PHF21B: variants seen among roughly 807,000 people sequenced by gnomAD.
PHF21B encodes PHD finger protein 21B, also known as PHD finger protein 4.
PHF21B carries 22 observed loss-of-function variants against 62.2 expected under a neutral mutation model. The observed-to-expected ratio is 0.35, with a 90% confidence interval of 0.25 to 0.51. The LOEUF (loss-of-function observed/expected upper bound fraction) is 0.51. Among genes scored for constraint, PHF21B ranks in the 20% least tolerant of loss-of-function variants. The pLI, the probability that PHF21B is intolerant of heterozygous loss-of-function variation, is 0.97. For missense variants in PHF21B, 701 were observed against 707.9 expected, an observed-to-expected ratio of 0.99 and a Z score of 0.11; for synonymous variants, 341 against 314.7, an observed-to-expected ratio of 1.08 and a Z score of -0.88.
chr22:44,902,402 G>A, intron 5 of PHF21B: 1 of 268,540 alleles, frequency 3.7e-6, no homozygotes, highest in South Asian at 5.0e-5. Context: ...GATGAGTGGA[G>A]TTTATCCCTC....
Position 44,904,655 on chromosome 22 carries a change from C to T in PHF21B, c.832-8572G>A, listed in dbSNP as rs1407863858. Among the ~76,000 whole-genome samples, 2 of 134,312 alleles carry T rather than the reference C, an allele frequency of 1.5e-5. 1 individual carries two copies. Among genetic ancestry groups the T allele is most frequent in the African/African-American group, 5.6e-5 (2 of 35,658 alleles). The allele number at this position is 134,312 out of a possible 152,430, so 88.1% of individuals were successfully genotyped here. A position where few individuals can be genotyped will look rare whatever the true frequency, so the allele number is the denominator to read the frequency against. On this transcript the variant is annotated intron_variant, in intron 5 of 12. Coordinates refer to ENST00000313237, the MANE Select transcript of PHF21B (RefSeq NM_138415.5). ...ACTGGGCAAGAAGTGTTAGTGTCGT[C>T]AGAGGCAGCAGAGGTCAGGGCTGGG... is the stretch of plus-strand genomic sequence containing the variant.
chr22:45,002,602 A>T (rs1233146506), intron 2 of PHF21B, among the ~76,000 whole-genome samples: 1 of 152,182 alleles, frequency 6.6e-6, no homozygotes, highest in Non-Finnish European at 1.5e-5. Flanking sequence ...ACAAACACCT[A>T]AGTATCTCAT....
Position 44,883,224 on chromosome 22 carries a change from C to T in PHF21B, c.1458G>A (p.Leu486=), listed in dbSNP as rs750207856. 6.2e-6 allele frequency: 10 copies of T among 1,613,944 alleles called. No individual in the cohort carries two copies. The Admixed American group carries it at 6.7e-5, about 11-fold the overall frequency. The change falls in exon 13 of 13, where the codon CTG becomes CTA. Residue 486 remains leucine, a synonymous_variant. Transcript: ENST00000313237. ...GCAGCTGCTCGCCCTGTATCAGTCT[C>T]AGGAGGGCCCGCAGGCGGTCCAGGG... ...QSSLDRLRAL[L]RLIQGEQLLQ... is the part of the protein sequence containing the mutation.
At chr22:44,906,684 G>C (rs1252810957) in intron 5 of PHF21B, among the ~76,000 whole-genome samples, 2 of 152,236 alleles carry the variant, frequency 1.3e-5, no homozygotes, top group Non-Finnish European at 2.9e-5. Context: ...TCTGAAGTTA[G>C]CATGCAGCTC....
chr22:44,899,130 A>C (rs1269910945), intron 5 of PHF21B, among the ~76,000 whole-genome samples: 2 of 152,040 alleles, frequency 1.3e-5, no homozygotes, highest in Non-Finnish European at 2.9e-5. Flanking sequence ...TTTCATGTGA[A>C]ATTTAGAAAC....
At chr22:44,914,206 G>A in intron 4 of PHF21B, 118 bp from the exon 5 acceptor site, 1 of 571,314 alleles carries the variant, frequency 1.8e-6, no homozygotes, top group Non-Finnish European at 3.1e-6. Flanking sequence ...AGGCCAACCT[G>A]GGAGGGCGGA....
At chr22:44,925,848 G>T (rs1014951735) in intron 2 of PHF21B, among the ~76,000 whole-genome samples, 1 of 152,194 alleles carries the variant, frequency 6.6e-6, no homozygotes, top group Non-Finnish European at 1.5e-5. Context: ...GTGTGTGGAA[G>T]GCTCTGATCT....
chr22:44,974,940 A>G (rs2072709655), intron 2 of PHF21B, among the ~76,000 whole-genome samples: 1 of 152,252 alleles, frequency 6.6e-6, no homozygotes, highest in Non-Finnish European at 1.5e-5. Context: ...ATGTGAATTA[A>G]CACATGGGTG....
chr22:44,925,589 C>G (rs1601605358), intron 2 of PHF21B, among the ~76,000 whole-genome samples: 1 of 152,140 alleles, frequency 6.6e-6, no homozygotes, highest in Admixed American at 6.5e-5. Context: ...TTTGTTAAAA[C>G]AGAGCTTTTT....
At chr22:44,924,984 C>G (rs1281898687) in intron 2 of PHF21B, among the ~76,000 whole-genome samples, 1 of 152,142 alleles carries the variant, frequency 6.6e-6, no homozygotes, top group Non-Finnish European at 1.5e-5. Flanking sequence ...TAAAAAGGAA[C>G]AAACTACTGA....
intron 2 of PHF21B, among the ~76,000 whole-genome samples, chr22:44,993,675 A>G (rs867094908): frequency 9.9e-5 from 15 of 152,216 alleles, no homozygotes; most frequent in African/African-American, 3.6e-4. Context: ...ACCCGTGGAG[A>G]TGAGCAACTT....
In PHF21B at chr22:44,920,477, A is replaced by T. The variant is rs1222992800; in HGVS notation, c.134T>A (p.Ile45Asn). 6.2e-7 allele frequency: 1 copy of T among 1,611,298 alleles called. No homozygotes were observed. The highest frequency in any genetic ancestry group is 1.7e-5 in the Admixed American group (1 of 59,850). Reference protein sequence around the residue: ...ALSDKQALGTITAVPVTGPQV... With the variant: ...ALSDKQALGTNTAVPVTGPQV... ...AGGACCCGTGACAGGCACTGCAGTG[A>T]TCGTTCCCAAAGCCTGAAACATACA... Residue 45 changes from isoleucine (I) to asparagine (N), a missense_variant, in exon 3 of 13, where the codon ATC becomes AAC. Coordinates refer to ENST00000313237, the MANE Select transcript of PHF21B (RefSeq NM_138415.5).
At chr22:44,988,690 A>G (rs2072994220) in intron 2 of PHF21B, among the ~76,000 whole-genome samples, 2 of 152,224 alleles carry the variant, frequency 1.3e-5, no homozygotes, top group African/African-American at 2.4e-5. Context: ...TTTAATTGAG[A>G]AAGGTCTGCA....
intron 4 of PHF21B, among the ~76,000 whole-genome samples, chr22:44,915,953 T>C (rs2071424049): frequency 1.3e-5 from 2 of 152,246 alleles, no homozygotes; most frequent in Non-Finnish European, 2.9e-5. Flanking sequence ...ACACATGTCA[T>C]TAATTGGTTA....
At chr22:44,972,071 G>C (rs1394100074) in intron 2 of PHF21B, among the ~76,000 whole-genome samples, 1 of 152,196 alleles carries the variant, frequency 6.6e-6, no homozygotes, top group Non-Finnish European at 1.5e-5. Flanking sequence ...CACTGTGTCT[G>C]CTCAGACCTG....
intron 2 of PHF21B, among the ~76,000 whole-genome samples, chr22:45,007,783 G>A (rs1346907401): frequency 3.4e-5 from 5 of 146,680 alleles, no homozygotes; most frequent in African/African-American, 1.3e-4. Flanking sequence ...GCGGGAGCCA[G>A]GGGGCGGGGG....
chr22:45,002,399 T>G (rs1378101294), intron 2 of PHF21B, among the ~76,000 whole-genome samples: 1 of 152,308 alleles, frequency 6.6e-6, no homozygotes, highest in Non-Finnish European at 1.5e-5. Context: ...TCAATTGCCT[T>G]CTGGGGCTTC....
chr22:45,008,901 A>AGTGAGT (rs775985876), intron 1 of PHF21B: 25 of 1,151,298 alleles, frequency 2.2e-5, no homozygotes, highest in South Asian at 8.7e-5. Context: ...TGCGTGTGCG[A>AGTGAGT]GTGAGTGTGA....
Position 45,009,671 on chromosome 22 carries a change from A to T in PHF21B, c.-122T>A. 2 of 880,360 alleles carry T rather than the reference A, an allele frequency of 2.3e-6. No individual in the cohort carries two copies. Among genetic ancestry groups the T allele is most frequent in the Non-Finnish European group, 3.2e-6 (2 of 625,526 alleles). 54.5% of individuals were successfully genotyped at this position (880,360 alleles called of 1,614,324 possible). On this transcript the variant is annotated 5_prime_UTR_variant, in exon 1 of 13. Coordinates refer to ENST00000313237, the MANE Select transcript of PHF21B (RefSeq NM_138415.5). The surrounding 1 kb of genome is among the most constrained non-coding windows in gnomAD (Gnocchi z 5.9). ...GCCTCCGGGCTGGGTTGGGGGGGAC[A>T]CGAGCCCCCTCCCCCACGGCCGAAA...
Sources: allele counts gnomAD v4.1 joint callset (sites outside exome capture counted in the v4.1 genomes callset), GRCh38; gene constraint gnomAD v4.1.1; non-coding constraint Gnocchi (gnomAD v3.1); transcripts MANE v1.5; gene names NCBI Gene and HGNC (gene_info 2026-07-23, HGNC 2026-07-21).